Variants in MMRN1 observed in about 807,000 individuals in gnomAD.
MMRN1 encodes multimerin 1, also known as multimerin-1.
A neutral mutation model predicts 100.7 loss-of-function variants in MMRN1; 94 were observed. That is an observed-to-expected ratio of 0.93 (90% CI 0.79 to 1.11). The LOEUF is 1.11. Among genes scored for constraint, MMRN1 ranks in the 50% least tolerant of loss-of-function variants. The pLI is 0.00. For missense variants in MMRN1, 1,606 were observed against 1,439.1 expected, an observed-to-expected ratio of 1.12 and a Z score of -1.88; for synonymous variants, 575 against 505.0, an observed-to-expected ratio of 1.14 and a Z score of -1.86.
upstream of MMRN1, among the ~76,000 whole-genome samples, chr4:89,893,290 A>G (rs976383815): frequency 1.3e-5 from 2 of 151,830 alleles, no homozygotes; most frequent in African/African-American, 2.4e-5. Flanking sequence ...GTTGCTGATG[A>G]TTGTCTTAGT....
chr4:89,885,534 C>G (rs556631425), intron 1 of MMRN1, among the ~76,000 whole-genome samples: 25 of 152,114 alleles, frequency 1.6e-4, no homozygotes, highest in African/African-American at 6.0e-4. Flanking sequence ...AATTTACTAG[C>G]GAAGCCATTT....
intron 1 of MMRN1, among the ~76,000 whole-genome samples, chr4:89,899,007 A>C (rs1286702082): frequency 6.6e-6 from 1 of 152,202 alleles, no homozygotes; most frequent in Admixed American, 6.6e-5. Context: ...GAATATAAAG[A>C]AGAAAGCTTC....
intron 1 of MMRN1, among the ~76,000 whole-genome samples, chr4:89,896,391 A>G (rs1369694099): frequency 6.6e-6 from 1 of 152,152 alleles, no homozygotes; most frequent in Non-Finnish European, 1.5e-5. Flanking sequence ...AAATAAAATA[A>G]AACAAATTTA....
intron 5 of MMRN1, among the ~76,000 whole-genome samples, chr4:89,930,408 T>C (rs1722399176): frequency 6.6e-6 from 1 of 152,106 alleles, no homozygotes; most frequent in African/African-American, 2.4e-5. Flanking sequence ...TGATCAAGAT[T>C]TTGTGCTGAG....
intron 1 of MMRN1, among the ~76,000 whole-genome samples, chr4:89,901,154 G>GA (rs372841987): frequency 0.079 from 8,890 of 112,100 alleles, 393 homozygotes; most frequent in African/African-American, 0.13. Context: ...GGGCTTTTAT[G>GA]AAAAAAAAAA....
At chr4:89,892,704 T>G (rs960944520), upstream of MMRN1, among the ~76,000 whole-genome samples, 1 of 151,924 alleles carries the variant, frequency 6.6e-6, no homozygotes, top group Non-Finnish European at 1.5e-5. Context: ...TGAGCAAAAG[T>G]CATTATTGGT....
chr4:89,892,616 A>T (rs560028427), upstream of MMRN1, among the ~76,000 whole-genome samples: 1 of 152,010 alleles, frequency 6.6e-6, no homozygotes, highest in African/African-American at 2.4e-5. Flanking sequence ...AAAGTGCAAG[A>T]TGGCTTAGTA....
chr4:89,917,864 AT>A (rs1214080662), intron 3 of MMRN1, among the ~76,000 whole-genome samples: 2 of 151,866 alleles, frequency 1.3e-5, no homozygotes, highest in Non-Finnish European at 2.9e-5. Context: ...ATTGCATTCA[AT>A]TTTTATCAGC....
chr4:89,884,272 G>A (rs1284684546), intron 1 of MMRN1, among the ~76,000 whole-genome samples: 1 of 152,044 alleles, frequency 6.6e-6, no homozygotes, highest in Non-Finnish European at 1.5e-5. Flanking sequence ...TGTATTGAAG[G>A]TATAAGTAAA....
rs1453059273 is a variant in MMRN1, at chr4:89,954,411, T to A, written c.*993T>A. The A allele has an allele frequency of 1.3e-5, 2 of 152,088 alleles. No individual in the cohort carries two copies. Among genetic ancestry groups the A allele is most frequent in the Non-Finnish European group, 2.9e-5 (2 of 67,998 alleles). The allele number at this position is 152,088 out of a possible 1,614,324, so 9.4% of individuals were successfully genotyped here. ...GGCCATGTCTTCTCCAGAGCCCACA[T>A]CCATCCTTTCTCTATATTGCCTCCC... is the stretch of plus-strand genomic sequence containing the variant. On this transcript the variant is annotated 3_prime_UTR_variant, in exon 8 of 8. Coordinates refer to ENST00000264790, the MANE Select transcript of MMRN1 (RefSeq NM_007351.3).
In MMRN1 at chr4:89,909,472, A is replaced by G. The variant is rs116496411; in HGVS notation, c.743+77A>G. The G allele has an allele frequency of 8.5e-3, 12,971 of 1,533,230 alleles. 180 individuals carry two copies. The highest frequency in any genetic ancestry group is 0.051 in the Middle Eastern group (295 of 5,794). The allele number at this position is 1,533,230 out of a possible 1,614,324, so 95.0% of individuals were successfully genotyped here. A position where few individuals can be genotyped will look rare whatever the true frequency, so the allele number is the denominator to read the frequency against. ...TAGCCGGGAATATATAATGTTATTC[A>G]TGCAAGGTACATAATACATAGTAGG... On this transcript the variant is annotated intron_variant, in intron 2 of 7. Transcript: ENST00000264790.
intron 6 of MMRN1, among the ~76,000 whole-genome samples, chr4:89,948,662 C>T (rs1723065955): frequency 6.6e-6 from 1 of 152,110 alleles, no homozygotes; most frequent in East Asian, 1.9e-4. Context: ...TATGCTTGGG[C>T]TCAACTGGTA....
chr4:89,912,209 T>A (rs1019687855), intron 3 of MMRN1, among the ~76,000 whole-genome samples, 159 bp downstream of exon 3: 1 of 151,336 alleles, frequency 6.6e-6, no homozygotes, highest in African/African-American at 2.4e-5. Context: ...GTAGCTTTTA[T>A]AACACTCTGA....
chr4:89,928,758 A>G (rs1722343558), intron 5 of MMRN1, among the ~76,000 whole-genome samples: 1 of 152,156 alleles, frequency 6.6e-6, no homozygotes, highest in Non-Finnish European at 1.5e-5. Flanking sequence ...CATCTTTCTG[A>G]CTATGTAACT....
At chr4:89,904,762 T>C (rs930133116) in intron 1 of MMRN1, among the ~76,000 whole-genome samples, 8 of 151,710 alleles carry the variant, frequency 5.3e-5, no homozygotes, top group Admixed American at 1.3e-4. Context: ...ATTAGGGTAG[T>C]GTGCTAGGGA....
rs143097300 is a variant in MMRN1 at position 89,945,685 on chromosome 4, A to G, written c.3119-5920A>G. On this transcript the variant is annotated intron_variant, in intron 6 of 7. Coordinates refer to ENST00000264790, the MANE Select transcript of MMRN1 (RefSeq NM_007351.3). The stretch of plus-strand genomic sequence containing the variant: ...AATCAGTTCACGATATCAAACAAAA[A>G]CATTTAATTTCCTAGGTCACAGCTT... Among the ~76,000 whole-genome samples, 570 of 152,300 alleles carry G rather than the reference A, an allele frequency of 3.7e-3. 4 individuals carry two copies. The highest frequency in any genetic ancestry group is 7.3e-3 in the Non-Finnish European group (496 of 68,002).
chr4:89,907,531 A>G (rs186531697), intron 1 of MMRN1, among the ~76,000 whole-genome samples: 5 of 151,406 alleles, frequency 3.3e-5, no homozygotes, highest in Non-Finnish European at 5.9e-5. Flanking sequence ...TTTTTTAAAA[A>G]ACAATTTTAG....
At chr4:89,948,435 A>AT (rs1399807223) in intron 6 of MMRN1, among the ~76,000 whole-genome samples, 11 of 152,166 alleles carry the variant, frequency 7.2e-5, no homozygotes, top group Non-Finnish European at 1.5e-4. Context: ...AATAAGATAA[A>AT]TTTTATTATC....
chr4:89,884,404 T>C (rs1390626801), intron 1 of MMRN1, among the ~76,000 whole-genome samples: 2 of 152,102 alleles, frequency 1.3e-5, no homozygotes, highest in Admixed American at 6.6e-5. Context: ...GCAAAAATCT[T>C]GCAAAATTTT....
Sources: allele counts gnomAD v4.1 joint callset (sites outside exome capture counted in the v4.1 genomes callset), GRCh38; gene constraint gnomAD v4.1.1; transcripts MANE v1.5; gene names NCBI Gene and HGNC (gene_info 2026-07-23, HGNC 2026-07-21).